The following INSIG2 variants were observed in gnomAD, a reference collection of about 807,000 sequenced individuals.
INSIG2 encodes insulin induced gene 2.
A neutral mutation model predicts 27.2 loss-of-function variants in INSIG2; 10 were observed. The ratio of observed to expected loss-of-function variants is 0.37; its 90% CI spans 0.23 to 0.62. The LOEUF is 0.62. Among genes scored for constraint, INSIG2 ranks in the 20% least tolerant of loss-of-function variants. The pLI, the probability that INSIG2 is intolerant of heterozygous loss-of-function variation, is 0.65. For synonymous variants in INSIG2, 97 were observed against 95.8 expected, an observed-to-expected ratio of 1.01 and a Z score of -0.07; for missense variants, 178 against 270.2, an observed-to-expected ratio of 0.66 and a Z score of 2.39.
rs1678744787 is a variant in INSIG2, at chr2:118,108,953, A to G, written c.*631A>G. 6.6e-6 allele frequency: 1 copy of G among 152,212 alleles called. No individual in the cohort carries two copies. Among genetic ancestry groups the G allele is most frequent in the African/African-American group, 2.4e-5 (1 of 41,464 alleles). 9.4% of individuals were successfully genotyped at this position (152,212 alleles called of 1,614,324 possible). On this transcript the variant is annotated 3_prime_UTR_variant, in exon 6 of 6. Coordinates refer to ENST00000245787, the MANE Select transcript of INSIG2 (RefSeq NM_016133.4). ...AAACCTGCGTTACTGGAGACAGCCC[A>G]AAGAGTAATTTTCTGTTTTGACAGG...
At chr2:118,102,612 A>T (rs1044712235) in intron 2 of INSIG2, 1 of 152,702 alleles carries the variant, frequency 6.5e-6, no homozygotes, top group Non-Finnish European at 1.5e-5. Flanking sequence ...AGTGGAAAGG[A>T]GTGTCAGTAA....
chr2:118,092,522 A>G (rs1678279385), intron 1 of INSIG2, among the ~76,000 whole-genome samples: 2 of 152,140 alleles, frequency 1.3e-5, no homozygotes. Context: ...TTTTATATAG[A>G]ACCATCTGCC....
Position 118,098,982 on chromosome 2 carries a change from GT to G in INSIG2, c.244+2185del, listed in dbSNP as rs966700096. On this transcript the variant is annotated intron_variant, in intron 2 of 5. Transcript: ENST00000245787. Reference sequence around the variant, plus strand: ...CCAATTTTGTTAGTTAAGTCATGGTGTTTAGTAGATGAGAGTGAAAGATATC... The same window carrying G: ...CCAATTTTGTTAGTTAAGTCATGGTGTTAGTAGATGAGAGTGAAAGATATC... Among the ~76,000 whole-genome samples, 29 of 152,328 alleles carry G rather than the reference GT, an allele frequency of 1.9e-4. 1 individual carries two copies. Among genetic ancestry groups the G allele is most frequent in the African/African-American group, 6.3e-4 (26 of 41,584 alleles).
At position 118,108,554 on chromosome 2, in the gene INSIG2, G is replaced by C. The variant is rs1167561846; in HGVS notation, c.*232G>C. On this transcript the variant is annotated 3_prime_UTR_variant, in exon 6 of 6. Transcript: ENST00000245787. ...CTTTACATATTTGACTTAAATAACT[G>C]TAAGATATATATGTACTACATTAAA... The C allele has an allele frequency of 2.6e-6, 1 of 391,880 alleles. No homozygotes were observed. Among genetic ancestry groups the C allele is most frequent in the Non-Finnish European group, 4.6e-6 (1 of 216,986 alleles). 24.3% of individuals were successfully genotyped at this position (391,880 alleles called of 1,614,324 possible).
At chr2:118,088,912 G>C (rs1573565656) in intron 1 of INSIG2, among the ~76,000 whole-genome samples, 1 of 152,294 alleles carries the variant, frequency 6.6e-6, no homozygotes, top group East Asian at 1.9e-4. Context: ...AGGACTTGGG[G>C]GCTTGTAGCC....
chr2:118,108,645 A>G lies in INSIG2; in HGVS notation c.*323A>G, dbSNP rs577515567. ...AAAACATGCCATACATTGTATCACA[A>G]TGTTAATGTGCCAAGATATTGTTCC... On this transcript the variant is annotated 3_prime_UTR_variant, in exon 6 of 6. Coordinates refer to ENST00000245787, the MANE Select transcript of INSIG2 (RefSeq NM_016133.4). 5.3e-6 allele frequency: 1 copy of G among 187,064 alleles called. No individual in the cohort carries two copies. Among genetic ancestry groups the G allele is most frequent in the East Asian group, 1.5e-4 (1 of 6,852 alleles). 11.6% of individuals were successfully genotyped at this position (187,064 alleles called of 1,614,324 possible).
intron 2 of INSIG2, 112 bp from the exon 3 acceptor site, chr2:118,103,085 T>A: frequency 9.9e-7 from 1 of 1,007,092 alleles, no homozygotes; most frequent in Non-Finnish European, 1.4e-6. Flanking sequence ...TTTTTGTTTT[T>A]TTTTTTTTAA....
intron 2 of INSIG2, 35 bp from the exon 3 acceptor site, chr2:118,103,162 G>A (rs878925822): frequency 6.3e-7 from 1 of 1,596,164 alleles, no homozygotes; most frequent in Non-Finnish European, 8.5e-7. Flanking sequence ...GTACAACATT[G>A]GAGGTAACTT....
Position 118,107,119 on chromosome 2 carries a change from G to A in INSIG2, c.566G>A (p.Arg189His), listed in dbSNP as rs963738936. The change falls in exon 5 of 6, where the codon CGT (arginine) becomes CAT (histidine). Residue 189 changes from arginine (R) to histidine (H), a missense_variant. Transcript: ENST00000245787. ...QYTSPDFLYV[R>H]SWLPCIFFAG... ...ACATCTCCAGATTTCCTCTATGTTC[G>A]TTCTTGGTTACCATGTATATTTTTT... The A allele has an allele frequency of 2.5e-6, 4 of 1,612,970 alleles. No homozygotes were observed. The highest frequency in any genetic ancestry group is 2.2e-5 in the East Asian group (1 of 44,852).
At chr2:118,108,185 TA>T in intron 5 of INSIG2, 95 bp from the exon 6 acceptor site, 2 of 778,326 alleles carry the variant, frequency 2.6e-6, no homozygotes, top group Non-Finnish European at 4.2e-6. Context: ...CACATAGTAA[TA>T]AAATGTTCAT....
chr2:118,106,766 G>A lies in INSIG2; in HGVS notation c.399G>A (p.Leu133=). 1 of 1,614,014 alleles carries A rather than the reference G, an allele frequency of 6.2e-7. No homozygotes were observed. The highest frequency in any genetic ancestry group is 1.1e-5 in the South Asian group (1 of 91,062). Reference sequence around the variant, plus strand: ...TGGATTTCGATAACAACATACAGTTGTCTCTCACACTGGCTGCACTATCCA... The same window carrying A: ...TGGATTTCGATAACAACATACAGTTATCTCTCACACTGGCTGCACTATCCA... The part of the protein sequence containing the change: ...AKVDFDNNIQ[L]SLTLAALSIG... Residue 133 remains leucine (L), a synonymous_variant, in exon 4 of 6, where the codon TTG becomes TTA. Transcript: ENST00000245787.
Position 118,108,441 on chromosome 2 carries a change from C to A in INSIG2, c.*119C>A. Reference sequence around the variant, plus strand: ...AGGATGCAGTTTTCCCCTTGATTGGCGTGTGTGTATATATGGATAAATATA... The same window carrying A: ...AGGATGCAGTTTTCCCCTTGATTGGAGTGTGTGTATATATGGATAAATATA... On this transcript the variant is annotated 3_prime_UTR_variant, in exon 6 of 6. Coordinates refer to ENST00000245787, the MANE Select transcript of INSIG2 (RefSeq NM_016133.4). The A allele has an allele frequency of 2.9e-6, 2 of 693,830 alleles. No individual in the cohort carries two copies. Among genetic ancestry groups the A allele is most frequent in the Admixed American group, 2.6e-5 (1 of 38,028 alleles). 43.0% of individuals were successfully genotyped at this position (693,830 alleles called of 1,614,324 possible). A position where few individuals can be genotyped will look rare whatever the true frequency, so the allele number is the denominator to read the frequency against.
intron 2 of INSIG2, among the ~76,000 whole-genome samples, chr2:118,098,073 C>T (rs1678453346): frequency 6.6e-6 from 1 of 152,168 alleles, no homozygotes; most frequent in African/African-American, 2.4e-5. Context: ...AAAAAATAGT[C>T]CAAATAAAAA....
rs1290811161 is a variant in INSIG2 at position 118,108,516 on chromosome 2, A to C, written c.*194A>C. 4.3e-6 allele frequency: 2 copies of C among 465,630 alleles called. No homozygotes were observed. The highest frequency in any genetic ancestry group is 7.7e-6 in the Non-Finnish European group (2 of 258,934). The allele number at this position is 465,630 out of a possible 1,614,324, so 28.8% of individuals were successfully genotyped here. ...CAATCTGTGATTGCTTCATCTGTAA[A>C]TCAGTTGTAAACCTTTACATATTTG... On this transcript the variant is annotated 3_prime_UTR_variant, in exon 6 of 6. Transcript: ENST00000245787.
At chr2:118,093,741 TGAA>T (rs5833733) in intron 1 of INSIG2, among the ~76,000 whole-genome samples, 24,184 of 103,164 alleles carry the variant, frequency 0.23, 4,547 homozygotes, top group Non-Finnish European at 0.27. Context: ...ATGATGATGA[TGAA>T]GGAGAGTTCT....
At chr2:118,106,618 T>G (rs1300381891) in intron 3 of INSIG2, 119 bp from the exon 4 acceptor site, 1 of 720,526 alleles carries the variant, frequency 1.4e-6, no homozygotes, top group Non-Finnish European at 2.3e-6. Flanking sequence ...AGAGACTGAA[T>G]GTACTTGAGT....
chr2:118,101,292 A>G (rs185737485), intron 2 of INSIG2, among the ~76,000 whole-genome samples: 1 of 152,298 alleles, frequency 6.6e-6, no homozygotes, highest in East Asian at 1.9e-4. Context: ...TGCATACTCA[A>G]TGGATTTGAT....
chr2:118,105,751 ATTTC>A (rs1419748944), intron 3 of INSIG2, among the ~76,000 whole-genome samples: 1 of 152,050 alleles, frequency 6.6e-6, no homozygotes, highest in African/African-American at 2.4e-5. Flanking sequence ...CTTCGTTGCA[ATTTC>A]TTTTTTGGAT....
At position 118,106,740 on chromosome 2, in the gene INSIG2, G is replaced by A. The variant is rs765017477; in HGVS notation, c.373G>A (p.Val125Met). The change falls in exon 4 of 6, where the codon GTG (valine) becomes ATG (methionine). Residue 125 changes from valine to methionine, a missense_variant. Coordinates refer to ENST00000245787, the MANE Select transcript of INSIG2 (RefSeq NM_016133.4). ...GACTTCTTAACACTGATCTCAGAAA[G>A]TGGATTTCGATAACAACATACAGTT... ...FVGINHASAK[V>M]DFDNNIQLSL... The A allele has an allele frequency of 1.2e-6, 2 of 1,612,880 alleles. No homozygotes were observed. Among genetic ancestry groups the A allele is most frequent in the Non-Finnish European group, 1.7e-6 (2 of 1,179,326 alleles).
Sources: allele counts gnomAD v4.1 joint callset (sites outside exome capture counted in the v4.1 genomes callset), GRCh38; gene constraint gnomAD v4.1.1; transcripts MANE v1.5; gene names NCBI Gene and HGNC (gene_info 2026-07-23, HGNC 2026-07-21).